VPS35L: variants seen among roughly 807,000 people sequenced by gnomAD.
VPS35L encodes the protein VPS35 endosomal protein-sorting factor-like.
In VPS35L, 83 loss-of-function variants were observed where a neutral mutation model predicts 133.0. That is an observed-to-expected ratio of 0.62 (90% CI 0.52 to 0.75). The LOEUF (loss-of-function observed/expected upper bound fraction) is 0.75, where lower values mean the gene tolerates loss of function less well. Among genes scored for constraint, VPS35L ranks in the 30% least tolerant of loss-of-function variants. VPS35L has a pLI of 0.00. For synonymous variants in VPS35L, 423 were observed against 449.9 expected (o/e 0.94, Z 0.76); for missense variants, 1,083 against 1,206.8 (o/e 0.90, Z 1.52).
intron 8 of VPS35L, among the ~76,000 whole-genome samples, chr16:19,600,917 A>G (rs1432048556): frequency 6.6e-6 from 1 of 152,070 alleles, no homozygotes; most frequent in African/African-American, 2.4e-5. Context: ...AGTTCTCCCA[A>G]GTTGTAGAGT....
intron 28 of VPS35L, among the ~76,000 whole-genome samples, chr16:19,690,332 G>C (rs1165579371): frequency 1.3e-5 from 2 of 152,194 alleles, no homozygotes; most frequent in African/African-American, 2.4e-5. Context: ...AGGGAAGGAG[G>C]GAGGGAGGAG....
At chr16:19,595,052 A>G (rs761043737) in intron 8 of VPS35L, among the ~76,000 whole-genome samples, 5 of 152,160 alleles carry the variant, frequency 3.3e-5, no homozygotes, top group Non-Finnish European at 5.9e-5. Flanking sequence ...GGAGGCCAAG[A>G]GAGAGGCGAT....
chr16:19,659,958 G>T lies in VPS35L; in HGVS notation c.2221+7868G>T, dbSNP rs1206443941. 2.0e-5 allele frequency among the ~76,000 whole-genome samples: 3 copies of T among 152,166 alleles called. No individual in the cohort carries two copies. In the East Asian group the frequency reaches 5.8e-4, roughly 29 times the overall value. On this transcript the variant is annotated intron_variant, in intron 26 of 30. Coordinates refer to ENST00000417362, the MANE Select transcript of VPS35L (RefSeq NM_020314.7). ...TTGAGAGAGAGTGATGATTTTTATA[G>T]CCAGAACCCTGCTTTACTAATACAC...
chr16:19,596,807 C>T (rs1436499195), intron 8 of VPS35L, among the ~76,000 whole-genome samples: 3 of 150,856 alleles, frequency 2.0e-5, no homozygotes, highest in Non-Finnish European at 4.4e-5. Context: ...TCACTTTGAG[C>T]TTAGGAATTC....
At position 19,641,738 on chromosome 16, in the gene VPS35L, G is replaced by GT. The variant is rs1973794274; in HGVS notation, c.1785-656dup. Among the ~76,000 whole-genome samples the GT allele has an allele frequency of 2.0e-5, 3 of 152,096 alleles. No homozygotes were observed. In the South Asian group the frequency reaches 6.2e-4, roughly 31 times the overall value. On this transcript the variant is annotated intron_variant, in intron 21 of 30. Transcript: ENST00000417362. The stretch of plus-strand genomic sequence containing the variant: ...TAATTTTGCCTGGCAAAATTCGCCT[G>GT]TTAAGAACACAGTGACAGGTTTTGG...
intron 9 of VPS35L, among the ~76,000 whole-genome samples, chr16:19,604,386 C>T (rs1972480761): frequency 1.3e-5 from 2 of 152,168 alleles, no homozygotes; most frequent in African/African-American, 4.8e-5. Context: ...AAGTTCAAAA[C>T]AACAGATCAG....
chr16:19,650,538 C>T (rs1228010980), intron 25 of VPS35L, 79 bp downstream of exon 25: 1 of 1,165,964 alleles, frequency 8.6e-7, no homozygotes, highest in African/African-American at 1.5e-5. Context: ...ATTACATTTC[C>T]CAGAAAAAGA....
At chr16:19,606,606 T>G (rs959258698) in intron 9 of VPS35L, among the ~76,000 whole-genome samples, 1 of 152,172 alleles carries the variant, frequency 6.6e-6, no homozygotes, top group Admixed American at 6.5e-5. Context: ...AGGTTTATCT[T>G]TTTTTGCTGA....
At chr16:19,643,979 AAAG>A (rs1371830666) in intron 22 of VPS35L, among the ~76,000 whole-genome samples, 3 of 152,062 alleles carry the variant, frequency 2.0e-5, no homozygotes, top group Non-Finnish European at 4.4e-5. Flanking sequence ...CAAAAACAAA[AAAG>A]AACGAAGTGG....
In VPS35L at chr16:19,656,510, C is replaced by T. The variant is rs761335602; in HGVS notation, c.2221+4420C>T. On this transcript the variant is annotated intron_variant, in intron 26 of 30. Transcript: ENST00000417362. ...TAATTAGTACTGACTTTCAAGTCTTCTGCTTGCATTGGTCCCAGTCCTGAC... is the reference window on the plus strand; with the variant it reads ...TAATTAGTACTGACTTTCAAGTCTTTTGCTTGCATTGGTCCCAGTCCTGAC... Among the ~76,000 whole-genome samples, 119 of 151,386 alleles carry T rather than the reference C, an allele frequency of 7.9e-4. 1 individual carries two copies. In the Middle Eastern group the frequency reaches 0.017, roughly 22 times the overall value.
chr16:19,645,016 CG>C, intron 23 of VPS35L, 67 bp downstream of exon 23: 1 of 1,128,708 alleles, frequency 8.9e-7, no homozygotes, highest in Non-Finnish European at 1.3e-6. Context: ...CTTATGTTGG[CG>C]AAAGCAGTTA....
chr16:19,597,214 TA>T (rs570419895), intron 8 of VPS35L, among the ~76,000 whole-genome samples: 1 of 150,834 alleles, frequency 6.6e-6, no homozygotes, highest in Admixed American at 6.6e-5. Context: ...ACAAAACATT[TA>T]AAAAAAATAG....
intron 7 of VPS35L, among the ~76,000 whole-genome samples, chr16:19,586,782 C>T (rs1971878740): frequency 6.6e-6 from 1 of 152,174 alleles, no homozygotes; most frequent in Non-Finnish European, 1.5e-5. Context: ...TTAGCACTTA[C>T]ATTTAGGTCA....
intron 29 of VPS35L, among the ~76,000 whole-genome samples, chr16:19,697,049 A>T (rs1458792749): frequency 2.6e-5 from 4 of 152,178 alleles, no homozygotes; most frequent in Non-Finnish European, 4.4e-5. Context: ...AGAACAAATG[A>T]AGGCAGAGCA....
chr16:19,565,184 C>G (rs998123725), intron 2 of VPS35L, among the ~76,000 whole-genome samples: 27 of 151,468 alleles, frequency 1.8e-4, no homozygotes, highest in Admixed American at 1.8e-3. Context: ...TCCCGAGTAG[C>G]TGGGGCTATA....
At chr16:19,555,802 G>A in intron 1 of VPS35L, 56 bp downstream of exon 1, 1 of 1,524,992 alleles carries the variant, frequency 6.6e-7, no homozygotes, top group South Asian at 1.3e-5. Context: ...CTTGTGATGG[G>A]GTCGGCCTGG....
chr16:19,693,448 T>C (rs1287294322), intron 29 of VPS35L, among the ~76,000 whole-genome samples: 1 of 151,774 alleles, frequency 6.6e-6, no homozygotes, highest in Admixed American at 6.6e-5. Flanking sequence ...TGAGACCAGC[T>C]TGGGTAACAT....
At chr16:19,617,890 C>A in intron 14 of VPS35L, 1 of 156,568 alleles carries the variant, frequency 6.4e-6, no homozygotes, top group South Asian at 2.0e-4. Flanking sequence ...CACTATGTTG[C>A]CCAGGCCTGT....
intron 29 of VPS35L, among the ~76,000 whole-genome samples, chr16:19,693,250 A>G (rs1318266155): frequency 6.6e-6 from 1 of 152,010 alleles, no homozygotes; most frequent in Non-Finnish European, 1.5e-5. Context: ...AATGATTGAT[A>G]CCAGAGGCTG....
Sources: allele counts gnomAD v4.1 joint callset (sites outside exome capture counted in the v4.1 genomes callset), GRCh38; gene constraint gnomAD v4.1.1; transcripts MANE v1.5; gene names NCBI Gene and HGNC (gene_info 2026-07-23, HGNC 2026-07-21).